MOSPD2: variants seen among roughly 807,000 people sequenced by gnomAD.
MOSPD2 encodes motile sperm domain-containing protein 2.
MOSPD2 carries 5 observed loss-of-function variants against 41.7 expected under a neutral mutation model. The observed-to-expected ratio is 0.12, with a 90% CI of 0.06 to 0.25. The LOEUF is 0.25. MOSPD2 is among the 10% of genes least tolerant of loss of function. The probability of loss-of-function intolerance (pLI) is 1.00; values close to 1 mark genes in which losing one functional copy is unlikely to be tolerated. For synonymous variants in MOSPD2, 115 were observed against 126.9 expected, an observed-to-expected ratio of 0.91 and a Z score of 0.63; for missense variants, 282 against 375.2, an observed-to-expected ratio of 0.75 and a Z score of 2.05.
intron 2 of MOSPD2, among the ~76,000 whole-genome samples, chrX:14,875,364 G>C (rs1055681476): frequency 1.8e-5 from 2 of 112,052 alleles, no homozygotes; most frequent in Non-Finnish European, 3.8e-5. Flanking sequence ...TCAAGGCCAT[G>C]TGTGATCTGG....
At chrX:14,901,329 T>C (rs183597262) in intron 6 of MOSPD2, among the ~76,000 whole-genome samples, 117 of 111,433 alleles carry the variant, frequency 1.0e-3, no homozygotes, top group Admixed American at 4.2e-3. Flanking sequence ...GGTTTAAAAG[T>C]GAAAAGACAG....
chrX:14,896,935 A>C, intron 4 of MOSPD2, 149 bp from the exon 5 acceptor site: 1 of 454,997 alleles, frequency 2.2e-6, no homozygotes, highest in Admixed American at 4.9e-5. Flanking sequence ...CAAGTGCAAC[A>C]GTTTCTCATT....
chrX:14,887,448 G>T (rs1398812278), intron 2 of MOSPD2, among the ~76,000 whole-genome samples: 3 of 111,139 alleles, frequency 2.7e-5, no homozygotes, highest in African/African-American at 9.8e-5. Context: ...TCATTTTACA[G>T]AGAAGAATAG....
intron 4 of MOSPD2, among the ~76,000 whole-genome samples, chrX:14,895,731 C>T (rs749391277): frequency 8.9e-5 from 10 of 111,872 alleles, no homozygotes; most frequent in Non-Finnish European, 1.9e-4. Context: ...TTTTGACAGT[C>T]GCTAAAGGTT....
chrX:14,875,620 A>G (rs779647001), intron 2 of MOSPD2, among the ~76,000 whole-genome samples: 2 of 112,005 alleles, frequency 1.8e-5, no homozygotes, highest in Non-Finnish European at 3.8e-5. Flanking sequence ...ATCACAATTT[A>G]AAATGTGACC....
At chrX:14,912,169 G>A in intron 9 of MOSPD2, 80 bp from the exon 10 acceptor site, 1 of 560,519 alleles carries the variant, frequency 1.8e-6, no homozygotes, top group Non-Finnish European at 2.7e-6. Context: ...CCTATGTTAT[G>A]TATAATAGTA....
intron 2 of MOSPD2, among the ~76,000 whole-genome samples, chrX:14,883,913 A>G (rs1296066162): frequency 8.9e-6 from 1 of 111,978 alleles, no homozygotes; most frequent in East Asian, 2.8e-4. Flanking sequence ...TCATAGGGAA[A>G]AAGAAATTAA....
At chrX:14,905,349 GTCTT>G (rs746211272) in intron 7 of MOSPD2, among the ~76,000 whole-genome samples, 31 of 111,526 alleles carry the variant, frequency 2.8e-4, no homozygotes, top group African/African-American at 8.8e-4. Flanking sequence ...ACTTAATACA[GTCTT>G]TCTTCAGTAT....
chrX:14,895,617 C>G (rs2092561704), intron 4 of MOSPD2, among the ~76,000 whole-genome samples: 1 of 111,924 alleles, frequency 8.9e-6, no homozygotes, highest in Non-Finnish European at 1.9e-5. Flanking sequence ...AAAATAAATG[C>G]TGCATCCTAC....
intron 2 of MOSPD2, among the ~76,000 whole-genome samples, chrX:14,886,504 C>A (rs895677230): frequency 9.3e-6 from 1 of 107,581 alleles, no homozygotes; most frequent in African/African-American, 3.4e-5. Context: ...TTGTTACATA[C>A]ACACACATAC....
intron 7 of MOSPD2, among the ~76,000 whole-genome samples, chrX:14,904,297 C>T (rs2092578106): frequency 8.9e-6 from 1 of 111,807 alleles, no homozygotes; most frequent in South Asian, 3.7e-4. Flanking sequence ...TACACCATGA[C>T]CAAGTGGGCT....
intron 3 of MOSPD2, among the ~76,000 whole-genome samples, chrX:14,895,088 G>GGAA (rs2092560700): frequency 8.9e-6 from 1 of 111,769 alleles, no homozygotes; most frequent in Non-Finnish European, 1.9e-5. Context: ...ACCTGTCAAG[G>GGAA]GAAATGGAGT....
rs2092609404 is a variant in MOSPD2 at position 14,921,423 on chromosome X, T to A, written c.*1614T>A. 1 of 936,299 alleles carries A rather than the reference T, an allele frequency of 1.1e-6. No homozygotes were observed. The highest frequency in any genetic ancestry group is 4.2e-5 in the East Asian group (1 of 24,051). 77.2% of individuals were successfully genotyped at this position (936,299 alleles called of 1,213,427 possible). ...GAAATGGACTGCAGTCCACCCTAAG[T>A]ACTGTGCACAGTATCTCCCTGTGTG... is the stretch of plus-strand genomic sequence containing the variant. On this transcript the variant is annotated 3_prime_UTR_variant, in exon 15 of 15. Coordinates refer to ENST00000380492, the MANE Select transcript of MOSPD2 (RefSeq NM_152581.4).
chrX:14,898,358 A>G (rs1399669469), intron 5 of MOSPD2, among the ~76,000 whole-genome samples: 3 of 109,759 alleles, frequency 2.7e-5, no homozygotes, highest in Non-Finnish European at 3.8e-5. Context: ...ATATGTATGT[A>G]TTCTATACCA....
At chrX:14,909,093 T>A in intron 8 of MOSPD2, 109 bp downstream of exon 8, 1 of 639,836 alleles carries the variant, frequency 1.6e-6, no homozygotes, top group Non-Finnish European at 2.1e-6. Flanking sequence ...CAAAGAAATA[T>A]CACAGATACC....
intron 1 of MOSPD2, 64 bp downstream of exon 1, chrX:14,873,601 A>G: frequency 8.3e-7 from 1 of 1,207,803 alleles, no homozygotes; most frequent in African/African-American, 1.7e-5. Context: ...AGGCCCGGGG[A>G]CCGAGCGCCC....
Position 14,921,099 on chromosome X carries a change from A to G in MOSPD2, c.*1290A>G, listed in dbSNP as rs772054912. On this transcript the variant is annotated 3_prime_UTR_variant, in exon 15 of 15. Coordinates refer to ENST00000380492, the MANE Select transcript of MOSPD2 (RefSeq NM_152581.4). Reference sequence around the variant, plus strand: ...GACATGAGTTTGTTTTCTCATTAATATGACCAGTTTGGGTCTATGTTGGTT... The same window carrying G: ...GACATGAGTTTGTTTTCTCATTAATGTGACCAGTTTGGGTCTATGTTGGTT... The G allele has an allele frequency of 1.5e-5, 12 of 817,678 alleles. No individual in the cohort carries two copies. The highest frequency in any genetic ancestry group is 7.4e-5 in the Admixed American group (1 of 13,476). 67.4% of individuals were successfully genotyped at this position (817,678 alleles called of 1,213,427 possible).
chrX:14,913,618 G>C (rs748831353), intron 10 of MOSPD2, among the ~76,000 whole-genome samples: 1 of 111,931 alleles, frequency 8.9e-6, no homozygotes, highest in Non-Finnish European at 1.9e-5. Flanking sequence ...GCCCTTCTGG[G>C]AGAGCTCATT....
chrX:14,876,875 A>G (rs776162828), intron 2 of MOSPD2, among the ~76,000 whole-genome samples: 14 of 112,256 alleles, frequency 1.2e-4, no homozygotes, highest in Non-Finnish European at 1.9e-4. Flanking sequence ...AGAGAGAAAT[A>G]ACATCTGGCT....
Sources: gnomAD v4.1 joint callset for allele counts (sites outside exome capture counted in the v4.1 genomes callset) on GRCh38, gnomAD v4.1.1 for gene constraint, MANE v1.5 for transcripts, NCBI Gene and HGNC (gene_info 2026-07-23, HGNC 2026-07-21) for gene names.